Variants in ZFPM2 observed in about 807,000 individuals in gnomAD.
The protein encoded by ZFPM2 is zinc finger protein ZFPM2.
In ZFPM2, 20 loss-of-function variants were observed where a neutral mutation model predicts 98.6. The observed-to-expected ratio is 0.20, with a 90% CI of 0.14 to 0.29. The LOEUF is 0.29. ZFPM2 is among the 10% of genes least tolerant of loss of function. ZFPM2 has a pLI of 1.00. For synonymous variants in ZFPM2, 518 were observed against 502.7 expected, an observed-to-expected ratio of 1.03 and a Z score of -0.41; for missense variants, 1,310 against 1,388.6, an observed-to-expected ratio of 0.94 and a Z score of 0.90.
At position 105,456,859 on chromosome 8, in the gene ZFPM2, A is replaced by C. The variant is rs576688130; in HGVS notation, c.301+12478A>C. Among the ~76,000 whole-genome samples the C allele has an allele frequency of 1.3e-3, 191 of 152,188 alleles. 1 individual carries two copies. Among genetic ancestry groups the C allele is most frequent in the Non-Finnish European group, 1.6e-3 (111 of 68,014 alleles). On this transcript the variant is annotated intron_variant, in intron 3 of 7. Transcript: ENST00000407775. ...GGCTACTTTTTTGTATTTTTATCAGAGACCGGGTTTCACCGTGTTAGCCAG... is the reference window on the plus strand; with the variant it reads ...GGCTACTTTTTTGTATTTTTATCAGCGACCGGGTTTCACCGTGTTAGCCAG...
intron 5 of ZFPM2, chr8:105,691,003 G>A (rs1810866046): frequency 1.3e-5 from 2 of 152,080 alleles, no homozygotes; most frequent in African/African-American, 2.4e-5. Flanking sequence ...TGATAGAGGA[G>A]ATGGCATTTG....
intron 3 of ZFPM2, among the ~76,000 whole-genome samples, chr8:105,445,515 A>T (rs1225727199): frequency 6.6e-6 from 1 of 152,160 alleles, no homozygotes; most frequent in Non-Finnish European, 1.5e-5. Flanking sequence ...CGATTAAAAA[A>T]AAAAGTAGGG....
chr8:105,568,254 A>T (rs1815280740), intron 4 of ZFPM2, among the ~76,000 whole-genome samples: 1 of 152,130 alleles, frequency 6.6e-6, no homozygotes. Flanking sequence ...CTACACAGTC[A>T]CAAAGAGAGT....
At chr8:105,700,901 G>A (rs1486820581) in intron 5 of ZFPM2, among the ~76,000 whole-genome samples, 1 of 152,080 alleles carries the variant, frequency 6.6e-6, no homozygotes, top group Non-Finnish European at 1.5e-5. Context: ...ATCCCTATCA[G>A]TTCTAATATG....
At chr8:105,756,791 T>G (rs1275968222) in intron 5 of ZFPM2, among the ~76,000 whole-genome samples, 1 of 152,058 alleles carries the variant, frequency 6.6e-6, no homozygotes. Context: ...CAGTTGGCAT[T>G]GGCAGTATTG....
At chr8:105,448,845 C>G (rs1243609248) in intron 3 of ZFPM2, among the ~76,000 whole-genome samples, 1 of 152,038 alleles carries the variant, frequency 6.6e-6, no homozygotes. Context: ...TCTTCCCTTA[C>G]CCTAGGACTG....
chr8:105,435,718 T>G (rs1485865455), intron 2 of ZFPM2, among the ~76,000 whole-genome samples: 1 of 152,126 alleles, frequency 6.6e-6, no homozygotes, highest in African/African-American at 2.4e-5. Context: ...AGGAAGAAGC[T>G]TGGGTTAATA....
chr8:105,469,264 CTTAAG>C (rs1450422151), intron 3 of ZFPM2, among the ~76,000 whole-genome samples: 1 of 152,134 alleles, frequency 6.6e-6, no homozygotes, highest in Non-Finnish European at 1.5e-5. Context: ...AGTGCTCACT[CTTAAG>C]TTAATTGCTG....
At chr8:105,601,891 A>G (rs771043353) in intron 4 of ZFPM2, among the ~76,000 whole-genome samples, 74 of 152,226 alleles carry the variant, frequency 4.9e-4, no homozygotes, top group Non-Finnish European at 8.2e-4. Context: ...ATTGCAGAGT[A>G]TTTTATGGAT....
chr8:105,722,422 A>C (rs1317139653), intron 5 of ZFPM2, among the ~76,000 whole-genome samples: 1 of 151,716 alleles, frequency 6.6e-6, no homozygotes, highest in Admixed American at 6.6e-5. Context: ...GCCAATCCCC[A>C]CCCCCATGCA....
intron 5 of ZFPM2, among the ~76,000 whole-genome samples, chr8:105,658,607 A>AAAAAAAAAAC (rs1817332677): frequency 7.4e-5 from 3 of 40,626 alleles, no homozygotes; most frequent in South Asian, 4.8e-4. Flanking sequence ...AAAAAAAAAA[A>AAAAAAAAAAC]AAAAGAAATC....
chr8:105,489,466 A>ATATATATATATATAT (rs1554610604), intron 3 of ZFPM2, among the ~76,000 whole-genome samples: 2 of 119,778 alleles, frequency 1.7e-5, no homozygotes, highest in African/African-American at 7.2e-5. Context: ...ATATATATAT[A>ATATATATATATATAT]TTTTTTTTTT....
At chr8:105,629,514 A>G (rs541668201) in intron 4 of ZFPM2, among the ~76,000 whole-genome samples, 1 of 152,314 alleles carries the variant, frequency 6.6e-6, no homozygotes, top group Non-Finnish European at 1.5e-5. Flanking sequence ...ACACACTACC[A>G]TAGACTTGAG....
Position 105,803,653 on chromosome 8 carries a change from A to G in ZFPM2, c.*115A>G. The G allele has an allele frequency of 9.6e-7, 1 of 1,041,750 alleles. No homozygotes were observed. 64.5% of individuals were successfully genotyped at this position (1,041,750 alleles called of 1,614,324 possible). ...CTGGGCAATCAGGAGATAATTCATT[A>G]TGGCTGAGTTGAAGACTTAAGGTGT... On this transcript the variant is annotated 3_prime_UTR_variant, in exon 8 of 8. Coordinates refer to ENST00000407775, the MANE Select transcript of ZFPM2 (RefSeq NM_012082.4).
intron 1 of ZFPM2, among the ~76,000 whole-genome samples, chr8:105,403,060 G>C (rs1811371527): frequency 6.6e-6 from 1 of 151,858 alleles, no homozygotes. Flanking sequence ...AGTTTAGAAA[G>C]GTAGACTGGG....
intron 2 of ZFPM2, among the ~76,000 whole-genome samples, chr8:105,426,186 C>T (rs140133922): frequency 1.3e-3 from 192 of 152,166 alleles, no homozygotes; most frequent in African/African-American, 4.1e-3. Context: ...TTTTTCTTAA[C>T]GGGATTAAGA....
At chr8:105,555,454 T>G (rs1336127129) in intron 3 of ZFPM2, among the ~76,000 whole-genome samples, 1 of 152,120 alleles carries the variant, frequency 6.6e-6, no homozygotes, top group Non-Finnish European at 1.5e-5. Context: ...GACAACTCTC[T>G]TTTGTCTCCA....
At chr8:105,575,327 AC>A (rs760299822) in intron 4 of ZFPM2, among the ~76,000 whole-genome samples, 1 of 151,792 alleles carries the variant, frequency 6.6e-6, no homozygotes, top group Non-Finnish European at 1.5e-5. Flanking sequence ...CCGTTGTATC[AC>A]CCCCCTCCCT....
chr8:105,707,267 A>T (rs920576517), intron 5 of ZFPM2, among the ~76,000 whole-genome samples: 47 of 152,018 alleles, frequency 3.1e-4, no homozygotes, highest in African/African-American at 1.0e-3. Context: ...AAAAAGAAAA[A>T]AAAAGCATCA....
Sources: allele counts gnomAD v4.1 joint callset (sites outside exome capture counted in the v4.1 genomes callset), GRCh38; gene constraint gnomAD v4.1.1; transcripts MANE v1.5; gene names NCBI Gene and HGNC (gene_info 2026-07-23, HGNC 2026-07-21).